The following LRP1B variants were observed in gnomAD, a reference collection of about 807,000 sequenced individuals.
LRP1B encodes the protein low-density lipoprotein receptor-related protein 1B.
A neutral mutation model predicts 556.6 loss-of-function variants in LRP1B; 217 were observed. That is an observed-to-expected ratio of 0.39 (90% CI 0.35 to 0.44). The LOEUF (loss-of-function observed/expected upper bound fraction) is 0.44. LRP1B is among the 20% of genes least tolerant of loss of function. The pLI is 1.00. For synonymous variants in LRP1B, 2,047 were observed against 1,865.8 expected, an observed-to-expected ratio of 1.10 and a Z score of -2.50; for missense variants, 5,053 against 5,620.8, an observed-to-expected ratio of 0.90 and a Z score of 3.23.
intron 3 of LRP1B, among the ~76,000 whole-genome samples, chr2:141,389,518 T>G (rs1359090123): frequency 6.6e-6 from 1 of 152,148 alleles, no homozygotes; most frequent in Admixed American, 6.6e-5. Flanking sequence ...ATCAAAACTC[T>G]TTTTAAAATC....
chr2:141,956,589 G>T (rs965730008), intron 1 of LRP1B, among the ~76,000 whole-genome samples: 2 of 145,278 alleles, frequency 1.4e-5, no homozygotes, highest in African/African-American at 5.1e-5. Flanking sequence ...AAATATTAAC[G>T]CCGTGAAATT....
chr2:141,953,569 C>A (rs1167119929), intron 1 of LRP1B, among the ~76,000 whole-genome samples: 1 of 151,920 alleles, frequency 6.6e-6, no homozygotes, highest in Admixed American at 6.6e-5. Context: ...ACTTTGTGAG[C>A]ACTCAGGAAA....
chr2:140,994,967 A>T (rs1013206700), intron 15 of LRP1B, among the ~76,000 whole-genome samples: 12 of 151,996 alleles, frequency 7.9e-5, no homozygotes, highest in African/African-American at 2.9e-4. Context: ...TGACATGTAA[A>T]TTGGGTTATT....
At chr2:141,770,913 T>G (rs1238184485) in intron 2 of LRP1B, among the ~76,000 whole-genome samples, 3 of 152,260 alleles carry the variant, frequency 2.0e-5, no homozygotes, top group African/African-American at 7.2e-5. Context: ...CTTCTCCAGC[T>G]GGTTGTTAAC....
intron 3 of LRP1B, among the ~76,000 whole-genome samples, chr2:141,422,109 A>C (rs1259441212): frequency 6.6e-6 from 1 of 152,206 alleles, no homozygotes; most frequent in African/African-American, 2.4e-5. Flanking sequence ...ACTGTGACTC[A>C]GTGACCCAAC....
At chr2:140,869,223 A>C (rs1009158369) in intron 25 of LRP1B, among the ~76,000 whole-genome samples, 1 of 152,130 alleles carries the variant, frequency 6.6e-6, no homozygotes, top group Admixed American at 6.6e-5. Flanking sequence ...CTTTTCATTC[A>C]TTCAATAAAT....
intron 1 of LRP1B, among the ~76,000 whole-genome samples, chr2:141,941,539 C>A (rs1244640615): frequency 1.3e-5 from 2 of 152,096 alleles, no homozygotes; most frequent in East Asian, 3.9e-4. Flanking sequence ...GAGTTGAGTT[C>A]TCTGAGAAAA....
At chr2:141,089,099 G>T (rs1447217431) in intron 7 of LRP1B, among the ~76,000 whole-genome samples, 1 of 152,072 alleles carries the variant, frequency 6.6e-6, no homozygotes, top group Non-Finnish European at 1.5e-5. Flanking sequence ...TCAACATCTG[G>T]GTATCCTTAG....
chr2:140,839,439 T>C (rs112099992), intron 31 of LRP1B, among the ~76,000 whole-genome samples: 1 of 152,160 alleles, frequency 6.6e-6, no homozygotes, highest in African/African-American at 2.4e-5. Context: ...ACCCTCAATC[T>C]GGGTGGGCAC....
At chr2:141,061,085 T>G (rs1699321783) in intron 8 of LRP1B, among the ~76,000 whole-genome samples, 1 of 151,584 alleles carries the variant, frequency 6.6e-6, no homozygotes, top group Admixed American at 6.6e-5. Context: ...TCCTCTAAGG[T>G]TGTAACTAAG....
intron 5 of LRP1B, among the ~76,000 whole-genome samples, chr2:141,231,517 T>C (rs1177637578): frequency 3.9e-5 from 6 of 152,050 alleles, no homozygotes; most frequent in Non-Finnish European, 8.8e-5. Flanking sequence ...ACAGAGATGG[T>C]CCAGTGGCTG....
intron 7 of LRP1B, among the ~76,000 whole-genome samples, chr2:141,108,345 T>C (rs9287308): frequency 0.064 from 3,737 of 58,340 alleles, 145 homozygotes; most frequent in East Asian, 0.23. Flanking sequence ...TTTTTTTTTT[T>C]TTTTTTTTTT....
intron 16 of LRP1B, chr2:140,992,435 G>A (rs962354530): frequency 6.6e-6 from 1 of 152,046 alleles, no homozygotes; most frequent in Non-Finnish European, 1.5e-5. Context: ...TGGACCTAAG[G>A]AACCAATACA....
intron 2 of LRP1B, among the ~76,000 whole-genome samples, chr2:141,499,130 T>G (rs887175882): frequency 1.7e-4 from 26 of 152,110 alleles, no homozygotes; most frequent in Non-Finnish European, 3.7e-4. Context: ...TGCCCATATA[T>G]CAGGCTGTGT....
chr2:141,588,596 C>A (rs1055844699), intron 2 of LRP1B, among the ~76,000 whole-genome samples: 2 of 152,116 alleles, frequency 1.3e-5, no homozygotes, highest in African/African-American at 4.8e-5. Flanking sequence ...TACAAGTTCC[C>A]TCCATGGGCT....
In LRP1B at chr2:140,664,863, C is replaced by G. The variant is rs1393273272; in HGVS notation, c.6799+35387G>C. Among the ~76,000 whole-genome samples, 6 of 152,092 alleles carry G rather than the reference C, an allele frequency of 3.9e-5. No homozygotes were observed. In the East Asian group the frequency reaches 1.2e-3, roughly 29 times the overall value. ...AACATTATAAAAAAAATTCTGATAT[C>G]TGGAATGCCCTTTCTTTAAAAAGAT... On this transcript the variant is annotated intron_variant, in intron 41 of 90. Coordinates refer to ENST00000389484, the MANE Select transcript of LRP1B (RefSeq NM_018557.3).
At chr2:141,631,008 C>T (rs956941447) in intron 2 of LRP1B, among the ~76,000 whole-genome samples, 64 of 152,088 alleles carry the variant, frequency 4.2e-4, no homozygotes, top group African/African-American at 1.5e-3. Flanking sequence ...TCTCATGCTG[C>T]TATAAACGAC....
At chr2:140,340,075 A>G (rs1681296589) in intron 77 of LRP1B, among the ~76,000 whole-genome samples, 1 of 151,274 alleles carries the variant, frequency 6.6e-6, no homozygotes, top group Non-Finnish European at 1.5e-5. Flanking sequence ...TGATTTTGTT[A>G]CTCTTTTTTT....
At chr2:141,651,559 G>A (rs2105380126) in intron 2 of LRP1B, among the ~76,000 whole-genome samples, 1 of 152,260 alleles carries the variant, frequency 6.6e-6, no homozygotes, top group Admixed American at 6.5e-5. Context: ...CAACTACTCA[G>A]GAGGCTGAGG....
Sources: allele counts gnomAD v4.1 joint callset (sites outside exome capture counted in the v4.1 genomes callset), GRCh38; gene constraint gnomAD v4.1.1; transcripts MANE v1.5; gene names NCBI Gene and HGNC (gene_info 2026-07-23, HGNC 2026-07-21).